Variants in REDIC1 observed in about 807,000 individuals in gnomAD.
The protein encoded by REDIC1 is HEI10 Interacting Protein 1.
the REDIC1 span, among the ~76,000 whole-genome samples, chr12:39,719,539 G>C: frequency 6.6e-6 from 1 of 152,018 alleles, no homozygotes; most frequent in African/African-American, 2.4e-5. Context: ...ACCTGAGCCT[G>C]GGAGGTTGAG....
chr12:39,712,484 G>C, the REDIC1 span, among the ~76,000 whole-genome samples: 9,488 of 137,930 alleles, frequency 0.069, 1,185 homozygotes, highest in African/African-American at 0.24. Context: ...ATACATACAG[G>C]TATATATACG....
At chr12:39,874,615 C>CAAA in the REDIC1 span, among the ~76,000 whole-genome samples, 3 of 101,110 alleles carry the variant, frequency 3.0e-5, no homozygotes, top group African/African-American at 3.7e-5. Context: ...AACTCCATCT[C>CAAA]AAAAAAAAAA....
At chr12:39,797,905 C>T in the REDIC1 span, among the ~76,000 whole-genome samples, 203 of 151,852 alleles carry the variant, frequency 1.3e-3, no homozygotes, top group Non-Finnish European at 2.5e-3. Flanking sequence ...GGGAGTCAGC[C>T]TCCAGAATAT....
the REDIC1 span, among the ~76,000 whole-genome samples, chr12:39,861,142 T>C: frequency 1.8e-4 from 27 of 152,342 alleles, no homozygotes; most frequent in African/African-American, 5.5e-4. Flanking sequence ...TACTCCACTC[T>C]TCTTTTAAGA....
At chr12:39,705,702 G>A in the REDIC1 span, among the ~76,000 whole-genome samples, 1 of 152,022 alleles carries the variant, frequency 6.6e-6, no homozygotes, top group South Asian at 2.1e-4. Context: ...CAGAATGAAG[G>A]ACAAGAAACA....
the REDIC1 span, chr12:39,682,710 A>G: frequency 3.1e-6 from 5 of 1,613,258 alleles, no homozygotes; most frequent in South Asian, 5.5e-5. Flanking sequence ...ACATTACTGA[A>G]AAACACTCAA....
chr12:39,640,052 T>C, the REDIC1 span, among the ~76,000 whole-genome samples: 2 of 151,540 alleles, frequency 1.3e-5, no homozygotes, highest in Admixed American at 6.6e-5. Flanking sequence ...CATCCAGAAC[T>C]ACTAGGTTTT....
the REDIC1 span, among the ~76,000 whole-genome samples, chr12:39,657,756 C>G: frequency 6.6e-6 from 1 of 151,982 alleles, no homozygotes; most frequent in Non-Finnish European, 1.5e-5. Flanking sequence ...CTCTTATTCT[C>G]TATTTTTTTC....
At chr12:39,741,563 G>A in the REDIC1 span, among the ~76,000 whole-genome samples, 1 of 152,198 alleles carries the variant, frequency 6.6e-6, no homozygotes, top group Admixed American at 6.5e-5. Context: ...CTTATTTTGA[G>A]TCAATATGAG....
the REDIC1 span, among the ~76,000 whole-genome samples, chr12:39,838,850 G>T: frequency 1.3e-5 from 2 of 151,988 alleles, no homozygotes; most frequent in Non-Finnish European, 2.9e-5. Flanking sequence ...CGGTCCATTT[G>T]TTTTTAAGTA....
the REDIC1 span, among the ~76,000 whole-genome samples, chr12:39,753,147 G>C: frequency 1.4e-4 from 22 of 152,298 alleles, no homozygotes; most frequent in African/African-American, 4.3e-4. Flanking sequence ...TTAAAGACTA[G>C]ACTGCATGCT....
the REDIC1 span, among the ~76,000 whole-genome samples, chr12:39,900,761 G>T: frequency 6.6e-6 from 1 of 152,126 alleles, no homozygotes; most frequent in African/African-American, 2.4e-5. Context: ...TGGCCATACT[G>T]CCCAAGGTAA....
the REDIC1 span, among the ~76,000 whole-genome samples, chr12:39,656,733 A>G: frequency 6.6e-6 from 1 of 152,196 alleles, no homozygotes; most frequent in East Asian, 1.9e-4. Flanking sequence ...AGACAGTGAG[A>G]TTGATGATCC....
the REDIC1 span, among the ~76,000 whole-genome samples, chr12:39,690,100 T>C: frequency 1.3e-5 from 2 of 152,174 alleles, no homozygotes; most frequent in South Asian, 4.1e-4. Context: ...GAGTCACCAA[T>C]GGGATGGAAT....
chr12:39,804,531 TG>T, the REDIC1 span, among the ~76,000 whole-genome samples: 3 of 152,202 alleles, frequency 2.0e-5, no homozygotes, highest in Non-Finnish European at 4.4e-5. Context: ...TGGTATTCCC[TG>T]ATTTCTTAGC....
chr12:39,626,480 T>C, the REDIC1 span: 1 of 1,290,456 alleles, frequency 7.7e-7, no homozygotes, highest in Non-Finnish European at 1.1e-6. Flanking sequence ...GGTCTTTTTA[T>C]TGTTATCCAA....
the REDIC1 span, among the ~76,000 whole-genome samples, chr12:39,659,914 G>A: frequency 6.6e-6 from 1 of 152,034 alleles, no homozygotes; most frequent in Non-Finnish European, 1.5e-5. Flanking sequence ...TATGGTACTT[G>A]GAAACCCTAT....
At chr12:39,896,145 T>C in the REDIC1 span, among the ~76,000 whole-genome samples, 3 of 148,796 alleles carry the variant, frequency 2.0e-5, no homozygotes, top group African/African-American at 4.9e-5. Flanking sequence ...CGTGTACCTA[T>C]ATATGTATAC....
At chr12:39,723,408 G>A in the REDIC1 span, among the ~76,000 whole-genome samples, 1 of 151,688 alleles carries the variant, frequency 6.6e-6, no homozygotes, top group Non-Finnish European at 1.5e-5. Context: ...GACGCTTTAA[G>A]GAGATAAATA....
Sources: gnomAD v4.1 joint callset for allele counts (sites outside exome capture counted in the v4.1 genomes callset) on GRCh38, gnomAD v4.1.1 for gene constraint, MANE v1.5 for transcripts, NCBI Gene and HGNC (gene_info 2026-07-23, HGNC 2026-07-21) for gene names.